The following PAPPA variants were observed in gnomAD, a reference collection of about 807,000 sequenced individuals.
PAPPA encodes the protein pappalysin 1.
Under a neutral mutation model 164.0 loss-of-function variants are expected in PAPPA, and 60 were observed. That is an observed-to-expected ratio of 0.37 (90% CI 0.30 to 0.45). PAPPA has a LOEUF of 0.45. Among genes scored for constraint, PAPPA ranks in the 20% least tolerant of loss-of-function variants. The pLI, the probability that PAPPA is intolerant of heterozygous loss-of-function variation, is 1.00. For synonymous variants in PAPPA, 875 were observed against 814.1 expected, an observed-to-expected ratio of 1.07 and a Z score of -1.27; for missense variants, 1,782 against 2,087.3, an observed-to-expected ratio of 0.85 and a Z score of 2.85.
intron 7 of PAPPA, among the ~76,000 whole-genome samples, chr9:116,252,029 T>G (rs1194709239): frequency 6.6e-6 from 1 of 152,212 alleles, no homozygotes; most frequent in African/African-American, 2.4e-5. Context: ...TCATTTCAAT[T>G]GGTGGTAAAA....
At chr9:116,261,432 C>T (rs1194217514) in intron 7 of PAPPA, among the ~76,000 whole-genome samples, 1 of 152,054 alleles carries the variant, frequency 6.6e-6, no homozygotes, top group African/African-American at 2.4e-5. Flanking sequence ...TCCTATATGA[C>T]TTTTTTGTTT....
intron 5 of PAPPA, among the ~76,000 whole-genome samples, chr9:116,224,361 T>C (rs1257189739): frequency 6.6e-6 from 1 of 152,240 alleles, no homozygotes; most frequent in Non-Finnish European, 1.5e-5. Context: ...CCAAGAAACC[T>C]GGGTCTGAAG....
chr9:116,154,535 G>T lies in PAPPA; in HGVS notation c.363G>T (p.Leu121=). ...AGCTGCCCCGGGACGCGTTCACGCT[G>T]CAAGTGTGGCTGCGAGCGGAGGGGG... ...DLELPRDAFT[L]QVWLRAEGGQ... Residue 121 remains leucine (L), a synonymous_variant, in exon 1 of 22, where the codon CTG becomes CTT. Coordinates refer to ENST00000328252, the MANE Select transcript of PAPPA (RefSeq NM_002581.5). The surrounding 1 kb of genome is among the most constrained non-coding windows in gnomAD (Gnocchi z 5.2). 1 of 1,404,458 alleles carries T rather than the reference G, an allele frequency of 7.1e-7. No homozygotes were observed. Among genetic ancestry groups the T allele is most frequent in the South Asian group, 1.5e-5 (1 of 66,512 alleles). 87.0% of individuals were successfully genotyped at this position (1,404,458 alleles called of 1,614,324 possible). A position where few individuals can be genotyped will look rare whatever the true frequency, so the allele number is the denominator to read the frequency against.
chr9:116,380,129 A>G (rs1846708654), intron 20 of PAPPA, among the ~76,000 whole-genome samples: 1 of 152,226 alleles, frequency 6.6e-6, no homozygotes, highest in Admixed American at 6.5e-5. Flanking sequence ...AAATTGGTTA[A>G]TTAGATGTGT....
At chr9:116,326,897 T>C (rs1564226907) in intron 10 of PAPPA, among the ~76,000 whole-genome samples, 1 of 152,256 alleles carries the variant, frequency 6.6e-6, no homozygotes, top group Non-Finnish European at 1.5e-5. Context: ...TCATTCCTCT[T>C]ATTGCAGATT....
At chr9:116,305,000 G>A (rs1173234320) in intron 10 of PAPPA, among the ~76,000 whole-genome samples, 2 of 151,884 alleles carry the variant, frequency 1.3e-5, no homozygotes, top group African/African-American at 4.8e-5. Flanking sequence ...GAGGGCAGCA[G>A]AACAAAAGTC....
intron 10 of PAPPA, among the ~76,000 whole-genome samples, chr9:116,329,285 A>T (rs981798245): frequency 1.3e-5 from 2 of 152,178 alleles, no homozygotes; most frequent in Non-Finnish European, 2.9e-5. Context: ...ACACATTGTT[A>T]GGAAAACTGA....
At chr9:116,358,709 C>T (rs1048728718) in intron 17 of PAPPA, among the ~76,000 whole-genome samples, 3 of 152,214 alleles carry the variant, frequency 2.0e-5, no homozygotes, top group African/African-American at 7.2e-5. Context: ...AAGTCTACTG[C>T]TTCTCCCTCT....
chr9:116,300,368 A>G (rs952176316), intron 9 of PAPPA, among the ~76,000 whole-genome samples: 1 of 151,552 alleles, frequency 6.6e-6, no homozygotes, highest in African/African-American at 2.4e-5. Context: ...GCTCTGACCT[A>G]CTGGGCTCAA....
rs140908918 is a variant in PAPPA, at chr9:116,367,622, G to A, written c.4496-23G>A. On this transcript the variant is annotated intron_variant, in intron 18 of 21. Coordinates refer to ENST00000328252, the MANE Select transcript of PAPPA (RefSeq NM_002581.5). ...GTTGAGGGTCTCGGGCCTGAGCTGC[G>A]CCTCATGCTGTACTTCCCTCAGGGT... 937 of 1,575,664 alleles carry A rather than the reference G, an allele frequency of 5.9e-4. 7 individuals carry two copies. The East Asian group carries it at 0.018, about 31-fold the overall frequency.
intron 15 of PAPPA, among the ~76,000 whole-genome samples, chr9:116,349,613 TA>T (rs1308922757): frequency 6.6e-6 from 1 of 152,198 alleles, no homozygotes; most frequent in Non-Finnish European, 1.5e-5. Flanking sequence ...AATGAAGTAA[TA>T]AAAATAAGTA....
chr9:116,379,853 G>T (rs1038965493), intron 20 of PAPPA, among the ~76,000 whole-genome samples: 2 of 152,166 alleles, frequency 1.3e-5, no homozygotes, highest in Non-Finnish European at 2.9e-5. Context: ...TGGTTTGTTT[G>T]TCTGAATGCG....
chr9:116,375,497 C>G (rs1437743147), intron 19 of PAPPA, among the ~76,000 whole-genome samples: 35 of 152,154 alleles, frequency 2.3e-4, no homozygotes, highest in Admixed American at 2.3e-3. Flanking sequence ...GACAGGAAGA[C>G]AAGTAAAGAA....
intron 10 of PAPPA, among the ~76,000 whole-genome samples, chr9:116,325,381 G>T (rs1033781000): frequency 6.6e-6 from 1 of 152,086 alleles, no homozygotes; most frequent in Admixed American, 6.6e-5. Context: ...GCCCTTAAAG[G>T]TCATTCCGTG....
chr9:116,296,332 A>G (rs1240392406), intron 9 of PAPPA, among the ~76,000 whole-genome samples: 1 of 152,236 alleles, frequency 6.6e-6, no homozygotes, highest in Non-Finnish European at 1.5e-5. Flanking sequence ...TAGTCTATGT[A>G]TAATCTGGTA....
Position 116,187,850 on chromosome 9 carries a change from C to T in PAPPA, c.1112C>T (p.Thr371Met), listed in dbSNP as rs138173573. Residue 371 changes from threonine to methionine, a missense_variant, in exon 2 of 22, where the codon ACG becomes ATG. Coordinates refer to ENST00000328252, the MANE Select transcript of PAPPA (RefSeq NM_002581.5). This position sits in a 1 kb window ranked among gnomAD's most constrained non-coding sequence, Gnocchi z 4.2. ...GATGATCATAAGAACCCGACGGTGA[C>T]GCGCGAGCAGGTGGACTTCCAGCAC... ...YEDDHKNPTV[T>M]REQVDFQHHQ... The T allele has an allele frequency of 2.0e-4, 319 of 1,614,198 alleles. 1 individual carries two copies. Among genetic ancestry groups the T allele is most frequent in the Admixed American group, 3.3e-4 (20 of 60,032 alleles).
At chr9:116,229,418 A>G (rs192168087) in intron 6 of PAPPA, among the ~76,000 whole-genome samples, 1 of 152,346 alleles carries the variant, frequency 6.6e-6, no homozygotes, top group East Asian at 1.9e-4. Context: ...GTGCTCTGAT[A>G]GCTAATGGAG....
At chr9:116,319,913 C>T (rs1055516289) in intron 10 of PAPPA, among the ~76,000 whole-genome samples, 1 of 152,158 alleles carries the variant, frequency 6.6e-6, no homozygotes, top group African/African-American at 2.4e-5. Flanking sequence ...AACATGTTAG[C>T]TTTACCACTT....
At chr9:116,330,090 T>G (rs1469878845) in intron 10 of PAPPA, among the ~76,000 whole-genome samples, 1 of 152,206 alleles carries the variant, frequency 6.6e-6, no homozygotes, top group East Asian at 1.9e-4. Flanking sequence ...CAATAGCATA[T>G]GAGATCCTCA....
Sources: allele counts gnomAD v4.1 joint callset (sites outside exome capture counted in the v4.1 genomes callset), GRCh38; gene constraint gnomAD v4.1.1; non-coding constraint Gnocchi (gnomAD v3.1); transcripts MANE v1.5; gene names NCBI Gene and HGNC (gene_info 2026-07-23, HGNC 2026-07-21).